Variants in MTHFS observed in about 807,000 individuals in gnomAD.
MTHFS encodes the protein methenyltetrahydrofolate synthetase.
Under a neutral mutation model 12.7 loss-of-function variants are expected in MTHFS, and 7 were observed. That is an observed-to-expected ratio of 0.55 (90% CI 0.31 to 1.03). The LOEUF (loss-of-function observed/expected upper bound fraction) is 1.03, where lower values mean the gene tolerates loss of function less well. MTHFS is among the 50% of genes least tolerant of loss of function. MTHFS has a pLI of 0.05. For missense variants in MTHFS, 252 were observed against 258.1 expected (o/e 0.98, Z 0.16); for synonymous variants, 100 against 97.1 (o/e 1.03, Z -0.18).
At chr15:79,890,071 C>G (rs188371518) in intron 1 of MTHFS, among the ~76,000 whole-genome samples, 18 of 152,148 alleles carry the variant, frequency 1.2e-4, no homozygotes, top group Non-Finnish European at 5.9e-5. Flanking sequence ...GGGGGCAGAT[C>G]CTGGTGAAAG....
chr15:79,859,672 G>C (rs1364249773), intron 2 of MTHFS, among the ~76,000 whole-genome samples: 1 of 152,084 alleles, frequency 6.6e-6, no homozygotes, highest in Non-Finnish European at 1.5e-5. Context: ...ACAAAAATTA[G>C]CCAGGCATAA....
chr15:79,881,397 A>C (rs1203665848), intron 2 of MTHFS, among the ~76,000 whole-genome samples: 1 of 152,216 alleles, frequency 6.6e-6, no homozygotes, highest in Non-Finnish European at 1.5e-5. Context: ...CAAGAAGTAA[A>C]TTACCATTCT....
At chr15:79,864,547 CAAAAAAAA>C (rs58698908) in intron 2 of MTHFS, among the ~76,000 whole-genome samples, 6 of 64,514 alleles carry the variant, frequency 9.3e-5, no homozygotes, top group African/African-American at 1.5e-4. Flanking sequence ...TCCATCTCAA[CAAAAAAAA>C]AAAAAAAAAA....
At chr15:79,893,088 T>G (rs1390951765) in intron 1 of MTHFS, among the ~76,000 whole-genome samples, 1 of 152,190 alleles carries the variant, frequency 6.6e-6, no homozygotes, top group African/African-American at 2.4e-5. Flanking sequence ...AGACTCATTA[T>G]AGTTACAGAA....
At chr15:79,849,301 C>T (rs558625396) in intron 2 of MTHFS, among the ~76,000 whole-genome samples, 1 of 152,310 alleles carries the variant, frequency 6.6e-6, no homozygotes, top group African/African-American at 2.4e-5. Flanking sequence ...TTCCCTGAAA[C>T]ACATCATGTA....
intron 2 of MTHFS, among the ~76,000 whole-genome samples, chr15:79,850,754 G>A (rs955481841): frequency 6.6e-6 from 1 of 152,176 alleles, no homozygotes; most frequent in Non-Finnish European, 1.5e-5. Context: ...GATGGGGACA[G>A]ATGCTGAGCT....
chr15:79,882,653 C>T (rs1408759936), intron 2 of MTHFS, among the ~76,000 whole-genome samples: 5 of 152,230 alleles, frequency 3.3e-5, no homozygotes, highest in Non-Finnish European at 4.4e-5. Flanking sequence ...GTCACCTTCA[C>T]ACAGAGAAGC....
At chr15:79,873,816 A>G (rs1292740420) in intron 2 of MTHFS, among the ~76,000 whole-genome samples, 1 of 152,246 alleles carries the variant, frequency 6.6e-6, no homozygotes, top group Non-Finnish European at 1.5e-5. Context: ...GGAATATTAC[A>G]GGAAAAATTA....
rs144882762 is a variant in MTHFS at position 79,892,875 on chromosome 15, C to T, written c.118-3521G>A. On this transcript the variant is annotated intron_variant, in intron 1 of 2. Coordinates refer to ENST00000258874, the MANE Select transcript of MTHFS (RefSeq NM_006441.4). Reference sequence around the variant, plus strand: ...CTGAGCCAGGAGAATCGCTTGAACCCGGGAGGCGGAGGTTGCAGTGAGCCG... The same window carrying T: ...CTGAGCCAGGAGAATCGCTTGAACCTGGGAGGCGGAGGTTGCAGTGAGCCG... Among the ~76,000 whole-genome samples, 994 of 152,098 alleles carry T rather than the reference C, an allele frequency of 6.5e-3. 5 individuals are homozygous for T. The highest frequency in any genetic ancestry group is 0.014 in the African/African-American group (569 of 41,482).
intron 2 of MTHFS, among the ~76,000 whole-genome samples, chr15:79,867,313 G>C (rs1018188230): frequency 1.3e-5 from 2 of 150,208 alleles, no homozygotes; most frequent in Admixed American, 1.3e-4. Context: ...ATTTTAGAAA[G>C]CCAAACTCTC....
intron 2 of MTHFS, among the ~76,000 whole-genome samples, chr15:79,870,680 T>C (rs8026997): frequency 0.36 from 54,160 of 152,082 alleles, 9,790 homozygotes; most frequent in East Asian, 0.49. Flanking sequence ...GAACAAGGAA[T>C]CATGAACCCA....
At chr15:79,897,047 T>C, upstream of MTHFS, 1 of 1,460,652 alleles carries the variant, frequency 6.8e-7, no homozygotes, top group Non-Finnish European at 9.0e-7. Context: ...TCGGGTTCGG[T>C]CTCCGCCCCT....
intron 2 of MTHFS, among the ~76,000 whole-genome samples, chr15:79,884,016 C>T (rs1043896538): frequency 7.2e-5 from 11 of 152,224 alleles, no homozygotes; most frequent in Non-Finnish European, 1.3e-4. Context: ...ACAGCAGCAA[C>T]AATGGCATTT....
At chr15:79,849,654 CG>C (rs1189646060) in intron 2 of MTHFS, among the ~76,000 whole-genome samples, 2 of 152,242 alleles carry the variant, frequency 1.3e-5, no homozygotes, top group Non-Finnish European at 2.9e-5. Flanking sequence ...GTTTTCAAAT[CG>C]CCAAAGACTC....
At chr15:79,896,162 T>A (rs1282552307) in intron 1 of MTHFS, among the ~76,000 whole-genome samples, 2 of 152,226 alleles carry the variant, frequency 1.3e-5, no homozygotes. Flanking sequence ...TTCTCTCTTC[T>A]GTTTCCTACG....
intron 2 of MTHFS, among the ~76,000 whole-genome samples, chr15:79,866,031 T>C (rs1183719952): frequency 1.4e-5 from 2 of 143,064 alleles, no homozygotes; most frequent in African/African-American, 2.5e-5. Flanking sequence ...GTCACTGCAG[T>C]TTGAAATTTT....
chr15:79,889,473 A>ACC, intron 1 of MTHFS, 119 bp from the exon 2 acceptor site: 1 of 1,225,216 alleles, frequency 8.2e-7, no homozygotes, highest in Non-Finnish European at 1.1e-6. Context: ...AAGAAAAAAA[A>ACC]AGGGGGGGGG....
chr15:79,882,259 T>G (rs562408164), intron 2 of MTHFS, among the ~76,000 whole-genome samples: 20 of 152,262 alleles, frequency 1.3e-4, no homozygotes, highest in African/African-American at 4.6e-4. Context: ...TAGTAAAAAT[T>G]AAGCATTCTC....
chr15:79,853,271 A>T (rs996524930), intron 2 of MTHFS, among the ~76,000 whole-genome samples: 5 of 152,198 alleles, frequency 3.3e-5, no homozygotes, highest in Non-Finnish European at 7.3e-5. Flanking sequence ...ACCAAATTTT[A>T]AAAAATATCA....
Sources: gnomAD v4.1 joint callset for allele counts (sites outside exome capture counted in the v4.1 genomes callset) on GRCh38, gnomAD v4.1.1 for gene constraint, MANE v1.5 for transcripts, NCBI Gene and HGNC (gene_info 2026-07-23, HGNC 2026-07-21) for gene names.